NID1: variants seen among roughly 807,000 people sequenced by gnomAD.
NID1 encodes nidogen-1.
A neutral mutation model predicts 130.6 loss-of-function variants in NID1; 76 were observed. The observed-to-expected ratio is 0.58, with a 90% CI of 0.48 to 0.70. The LOEUF is 0.70. Ranked by LOEUF, NID1 falls within the 30% of genes least tolerant of loss-of-function variation. The pLI is 0.00. For missense variants in NID1, 1,517 were observed against 1,664.8 expected (o/e 0.91, Z 1.54); for synonymous variants, 665 against 675.1 (o/e 0.98, Z 0.23).
chr1:236,049,430 T>C (rs1659700370), intron 1 of NID1, among the ~76,000 whole-genome samples: 1 of 151,946 alleles, frequency 6.6e-6, no homozygotes, highest in South Asian at 2.1e-4. Context: ...CAGTGAGCCA[T>C]GATCACGCCA....
chr1:236,063,781 G>A (rs1376533337), intron 1 of NID1, among the ~76,000 whole-genome samples: 1 of 152,110 alleles, frequency 6.6e-6, no homozygotes, highest in African/African-American at 2.4e-5. Context: ...GCAAGACCTC[G>A]TCTCTCTAAA....
chr1:236,051,170 C>A (rs1659753918), intron 1 of NID1, among the ~76,000 whole-genome samples: 1 of 152,136 alleles, frequency 6.6e-6, no homozygotes, highest in Admixed American at 6.5e-5. Context: ...TTAAGGGCTG[C>A]AGATTGGAAA....
In NID1 at chr1:236,002,364, G is replaced by A. The variant is rs1267650687; in HGVS notation, c.2528-8492C>T. ...CTAAAAACACAAAAATTAGCCAGGC[G>A]CAGTGGCACATGCCTGTAATCCCAG... On this transcript the variant is annotated intron_variant, in intron 12 of 19. Coordinates refer to ENST00000264187, the MANE Select transcript of NID1 (RefSeq NM_002508.3). Among the ~76,000 whole-genome samples the A allele has an allele frequency of 6.6e-5, 10 of 152,260 alleles. No individual in the cohort carries two copies. The South Asian group carries it at 2.1e-3, about 32-fold the overall frequency.
intron 5 of NID1, 117 bp from the exon 6 acceptor site, chr1:236,032,769 T>G: frequency 7.5e-7 from 1 of 1,340,214 alleles, no homozygotes; most frequent in Non-Finnish European, 1.0e-6. Flanking sequence ...AAAACAGCAC[T>G]GGGGTCAATG....
chr1:236,049,970 A>G (rs896076217), intron 1 of NID1, among the ~76,000 whole-genome samples: 2 of 150,886 alleles, frequency 1.3e-5, no homozygotes, highest in Non-Finnish European at 2.9e-5. Context: ...CAGGAAGCGG[A>G]GGTTGCAATG....
chr1:236,037,756 A>G (rs1659303739), intron 5 of NID1, among the ~76,000 whole-genome samples: 1 of 152,186 alleles, frequency 6.6e-6, no homozygotes, highest in South Asian at 2.1e-4. Context: ...AGTGAAGGAA[A>G]GTGAGGGACA....
At position 236,032,640 on chromosome 1, in the gene NID1, C is replaced by T. The variant is rs759477796; in HGVS notation, c.1298G>A (p.Arg433Gln). The change falls in exon 6 of 20, where the codon CGA becomes CAA. Residue 433 changes from arginine to glutamine, a missense_variant. Arg to Gln is a conservative substitution (Grantham distance 43). Coordinates refer to ENST00000264187, the MANE Select transcript of NID1 (RefSeq NM_002508.3). ...CCTTCCTTTCACCTTGCCATTGACT[C>T]GCTGGGGGGAACCTGAGCAAGAAAA... ...RQCVAEGSPQRVNGKVKGRIF... is the reference protein window; with the variant it reads ...RQCVAEGSPQQVNGKVKGRIF... 56 of 1,613,958 alleles carry T rather than the reference C, an allele frequency of 3.5e-5. No individual in the cohort carries two copies. Among genetic ancestry groups the T allele is most frequent in the South Asian group, 4.4e-5 (4 of 91,072 alleles).
At chr1:236,059,560 T>G (rs1462393958) in intron 1 of NID1, among the ~76,000 whole-genome samples, 3 of 152,172 alleles carry the variant, frequency 2.0e-5, no homozygotes, top group East Asian at 1.9e-4. Flanking sequence ...GATCAAACAC[T>G]AGAAGTGCCA....
At chr1:235,989,144 C>T (rs186484620) in intron 14 of NID1, among the ~76,000 whole-genome samples, 46 of 149,638 alleles carry the variant, frequency 3.1e-4, no homozygotes, top group Middle Eastern at 3.4e-3. Flanking sequence ...GCAACCTCTG[C>T]CTCCCAGGTT....
rs183290027 is a variant in NID1, at chr1:236,007,834, C to T, written c.2527+4087G>A. 5.9e-5 allele frequency among the ~76,000 whole-genome samples: 9 copies of T among 152,228 alleles called. No individual in the cohort carries two copies. The East Asian group carries it at 9.7e-4, about 16-fold the overall frequency. ...GAAAGCTGCTCCTGAACTCCTGACGCACAGAAACTGTGAGAAAATAAATGT... is the reference window on the plus strand; with the variant it reads ...GAAAGCTGCTCCTGAACTCCTGACGTACAGAAACTGTGAGAAAATAAATGT... On this transcript the variant is annotated intron_variant, in intron 12 of 19. Transcript: ENST00000264187.
In NID1 at chr1:236,030,568, C is replaced by T. The variant is rs180789801; in HGVS notation, c.1538-818G>A. 3.5e-4 allele frequency among the ~76,000 whole-genome samples: 53 copies of T among 152,332 alleles called. 1 individual carries two copies. The highest frequency in any genetic ancestry group is 3.3e-3 in the Admixed American group (51 of 15,304). On this transcript the variant is annotated intron_variant, in intron 6 of 19. Transcript: ENST00000264187. Reference sequence around the variant, plus strand: ...AGTTGTATTGGAACACAGCCATGCTCATTCATTTATATATTGTCTGTGGTT... The same window carrying T: ...AGTTGTATTGGAACACAGCCATGCTTATTCATTTATATATTGTCTGTGGTT...
chr1:236,013,545 C>T lies in NID1; in HGVS notation c.2270G>A (p.Arg757His), dbSNP rs35714220. Reference sequence around the variant, plus strand: ...GCCAGTTTCACAGTAGTTGATGGGGCGCTGGTCCACGACAGCTTCAGAACA... The same window carrying T: ...GCCAGTTTCACAGTAGTTGATGGGGTGCTGGTCCACGACAGCTTCAGAACA... ...EGTCVAVVDQ[R>H]PINYCETGLH... Residue 757 changes from arginine to histidine, a missense_variant, in exon 11 of 20, where the codon CGC (arginine) becomes CAC (histidine). Arg to His is a conservative substitution (Grantham distance 29). This residue lies in a region of NID1 where 1,329 missense variants were observed against 1,429.2 expected (regional missense o/e 0.93). Coordinates refer to ENST00000264187, the MANE Select transcript of NID1 (RefSeq NM_002508.3). 24,237 of 1,614,026 alleles carry T rather than the reference C, an allele frequency of 0.015. 247 individuals carry two copies. The highest frequency in any genetic ancestry group is 0.026 in the Middle Eastern group (158 of 6,052).
Position 236,041,952 on chromosome 1 carries a change from G to C in NID1, c.1093C>G (p.Pro365Ala), listed in dbSNP as rs761320405. 2 of 1,613,948 alleles carry C rather than the reference G, an allele frequency of 1.2e-6. No homozygotes were observed. Among genetic ancestry groups the C allele is most frequent in the South Asian group, 2.2e-5 (2 of 91,048 alleles). The change falls in exon 4 of 20, where the codon CCT becomes GCT. Residue 365 changes from proline to alanine, a missense_variant. By Grantham distance (27) the Pro-to-Ala change is conservative (BLOSUM62 -1). Around this residue, in one of 3 missense-constraint regions of NID1, gnomAD observed 1,329 missense variants for 1,429.2 expected, o/e 0.93. Transcript: ENST00000264187. The stretch of plus-strand genomic sequence containing the variant: ...ACTTCATCCACATCTATGACCTGAG[G>C]GTGCTGCTGGTGAAAAGTCTCCACT... ...LAVETFHQQH[P>A]QVIDVDEVEE... is the part of the protein sequence containing the mutation.
chr1:236,043,602 T>C (rs926577831), intron 3 of NID1, among the ~76,000 whole-genome samples: 2 of 151,894 alleles, frequency 1.3e-5, no homozygotes, highest in African/African-American at 2.4e-5. Context: ...ATCGAGACCA[T>C]CCTGGCTAAC....
chr1:235,980,803 ATTT>A, intron 16 of NID1, 150 bp from the exon 17 acceptor site: 1 of 891,642 alleles, frequency 1.1e-6, no homozygotes, highest in East Asian at 2.7e-5. Context: ...GATAAAACAC[ATTT>A]TCTTTTGCAA....
At chr1:235,981,857 A>C in intron 15 of NID1, 75 bp from the exon 16 acceptor site, 1 of 1,360,508 alleles carries the variant, frequency 7.4e-7, no homozygotes, top group Non-Finnish European at 1.0e-6. Context: ...CTGAATACTC[A>C]ATGTTATTTC....
chr1:236,063,994 T>C (rs1415515922), intron 1 of NID1, among the ~76,000 whole-genome samples: 1 of 152,186 alleles, frequency 6.6e-6, no homozygotes, highest in Non-Finnish European at 1.5e-5. Context: ...AGCACAGCCA[T>C]TTCACGGGCA....
At chr1:235,999,251 A>T (rs1411697279) in intron 12 of NID1, among the ~76,000 whole-genome samples, 1 of 152,254 alleles carries the variant, frequency 6.6e-6, no homozygotes, top group Non-Finnish European at 1.5e-5. Context: ...GTTCCATTTT[A>T]TGTGGCCGAC....
Position 236,061,974 on chromosome 1 carries a change from T to C in NID1, c.225+2881A>G, listed in dbSNP as rs964881656. ...AATCGGAACCCTCATATATTGTTGG[T>C]GGGAATGTCAGATGGTGCTGTCGCT... On this transcript the variant is annotated intron_variant, in intron 1 of 19. Coordinates refer to ENST00000264187, the MANE Select transcript of NID1 (RefSeq NM_002508.3). Among the ~76,000 whole-genome samples, 6 of 152,282 alleles carry C rather than the reference T, an allele frequency of 3.9e-5. No homozygotes were observed. In the East Asian group the frequency reaches 1.2e-3, roughly 29 times the overall value.
Sources: gnomAD v4.1 joint callset for allele counts (sites outside exome capture counted in the v4.1 genomes callset) on GRCh38, gnomAD v4.1.1 for gene constraint, gnomAD v4.1.1 regional missense constraint, MANE v1.5 for transcripts, NCBI Gene and HGNC (gene_info 2026-07-23, HGNC 2026-07-21) for gene names.